The following PUS10 variants were observed in gnomAD, a reference collection of about 807,000 sequenced individuals.
PUS10 encodes tRNA pseudouridine synthase Pus10.
PUS10 carries 59 observed loss-of-function variants against 75.0 expected under a neutral mutation model. The observed-to-expected ratio is 0.79, with a 90% CI of 0.64 to 0.98. The LOEUF (loss-of-function observed/expected upper bound fraction) is 0.98. Among genes scored for constraint, PUS10 ranks in the 50% least tolerant of loss-of-function variants. The pLI, the probability that PUS10 is intolerant of heterozygous loss-of-function variation, is 0.00. For missense variants in PUS10, 650 were observed against 614.4 expected (o/e 1.06, Z -0.61); for synonymous variants, 219 against 211.6 (o/e 1.03, Z -0.30).
rs1201634982 is a variant in PUS10 at position 60,940,793 on chromosome 2, T to A, written c.*1602A>T. ...AACTGAGGAACATCCACACAGAAATTCTTACCTTTTTATCAAAAGTTTGTT... is the reference window on the plus strand; with the variant it reads ...AACTGAGGAACATCCACACAGAAATACTTACCTTTTTATCAAAAGTTTGTT... On this transcript the variant is annotated 3_prime_UTR_variant, in exon 18 of 18. Coordinates refer to ENST00000316752, the MANE Select transcript of PUS10 (RefSeq NM_144709.4). 1 of 152,350 alleles carries A rather than the reference T, an allele frequency of 6.6e-6. No individual in the cohort carries two copies. Among genetic ancestry groups the A allele is most frequent in the Admixed American group, 6.5e-5 (1 of 15,286 alleles). The allele number at this position is 152,350 out of a possible 1,614,324, so 9.4% of individuals were successfully genotyped here.
intron 4 of PUS10, among the ~76,000 whole-genome samples, chr2:60,974,121 G>A (rs1676873060): frequency 6.6e-6 from 1 of 151,752 alleles, no homozygotes; most frequent in Non-Finnish European, 1.5e-5. Flanking sequence ...GCTGAGAGCT[G>A]AACACTTATC....
intron 15 of PUS10, among the ~76,000 whole-genome samples, chr2:60,951,459 C>A (rs1675331985): frequency 6.6e-6 from 1 of 152,164 alleles, no homozygotes; most frequent in Non-Finnish European, 1.5e-5. Flanking sequence ...TGTTTTCCTG[C>A]AACTAGAGGG....
In PUS10 at chr2:60,955,015, T is replaced by C. The variant is rs374734216; in HGVS notation, c.1057+3A>G. On this transcript the variant is annotated splice_donor_region_variant and intron_variant, in intron 12 of 17. Transcript: ENST00000316752. ...TAATCAGGTGATGCTGTTGCAGTCT[T>C]ACCATTTCCTAATGTTCTCACATCT... 8 of 1,568,608 alleles carry C rather than the reference T, an allele frequency of 5.1e-6. No homozygotes were observed. In the African/African-American group the frequency reaches 1.1e-4, roughly 21 times the overall value.
chr2:61,005,869 T>G (rs1381108753), intron 4 of PUS10, among the ~76,000 whole-genome samples: 1 of 152,228 alleles, frequency 6.6e-6, no homozygotes, highest in Non-Finnish European at 1.5e-5. Context: ...TGATGTAATG[T>G]TCTGGTGATA....
chr2:60,953,352 AT>A (rs1311498541), intron 14 of PUS10, among the ~76,000 whole-genome samples: 1 of 152,092 alleles, frequency 6.6e-6, no homozygotes, highest in African/African-American at 2.4e-5. Context: ...TCTCATTATT[AT>A]TCTCCCCCAG....
intron 4 of PUS10, among the ~76,000 whole-genome samples, chr2:60,974,823 G>A (rs1280683377): frequency 1.3e-5 from 2 of 152,192 alleles, no homozygotes; most frequent in African/African-American, 2.4e-5. Context: ...CACACCTCTC[G>A]CTGCTCCACG....
Position 61,000,045 on chromosome 2 carries a change from G to T in PUS10, c.468+6512C>A, listed in dbSNP as rs1233767469. Among the ~76,000 whole-genome samples, 5 of 152,130 alleles carry T rather than the reference G, an allele frequency of 3.3e-5. No homozygotes were observed. In the East Asian group the frequency reaches 9.7e-4, roughly 29 times the overall value. On this transcript the variant is annotated intron_variant, in intron 4 of 17. Coordinates refer to ENST00000316752, the MANE Select transcript of PUS10 (RefSeq NM_144709.4). The stretch of plus-strand genomic sequence containing the variant: ...TTTTGGTATCTGTGAGGGGCTCGGG[G>T]GTCCTAGAACCAACCCCCCACAGAT...
chr2:60,987,337 T>C (rs1573469126), intron 4 of PUS10, among the ~76,000 whole-genome samples: 1 of 151,898 alleles, frequency 6.6e-6, no homozygotes, highest in African/African-American at 2.4e-5. Flanking sequence ...CCAATTTAAA[T>C]CCTGCCACTA....
At position 60,948,067 on chromosome 2, in the gene PUS10, A is replaced by G. The variant is rs547221084; in HGVS notation, c.1427T>C (p.Leu476Pro). Residue 476 changes from leucine to proline, a missense_variant, in exon 16 of 18, where the codon CTC becomes CCC. Coordinates refer to ENST00000316752, the MANE Select transcript of PUS10 (RefSeq NM_144709.4). ...TQYVDEHHFR[L>P]HLKTQAGTYI... ...CGTGCCAGCCTGAGTTTTCAAGTGGAGGCGGAAGTGGTGCTCATCCACGTA... is the reference window on the plus strand; with the variant it reads ...CGTGCCAGCCTGAGTTTTCAAGTGGGGGCGGAAGTGGTGCTCATCCACGTA... The G allele has an allele frequency of 3.7e-6, 6 of 1,614,118 alleles. No homozygotes were observed. The highest frequency in any genetic ancestry group is 3.3e-5 in the South Asian group (3 of 91,086).
rs766402169 is a variant in PUS10 at position 60,948,042 on chromosome 2, C to T, written c.1451+1G>A. 7 of 1,613,964 alleles carry T rather than the reference C, an allele frequency of 4.3e-6. No individual in the cohort carries two copies. The highest frequency in any genetic ancestry group is 5.9e-6 in the Non-Finnish European group (7 of 1,179,928). ...CGGCAGTGCAGCAGGTGGAAGGATA[C>T]GTGCCAGCCTGAGTTTTCAAGTGGA... is the stretch of plus-strand genomic sequence containing the variant. On this transcript the variant is annotated splice_donor_variant, in intron 16 of 17. Coordinates refer to ENST00000316752, the MANE Select transcript of PUS10 (RefSeq NM_144709.4). LOFTEE classifies it high-confidence loss of function.
intron 11 of PUS10, among the ~76,000 whole-genome samples, chr2:60,958,199 CT>C (rs575450660): frequency 3.9e-5 from 6 of 152,146 alleles, no homozygotes; most frequent in Non-Finnish European, 8.8e-5. Flanking sequence ...CCAAATGAAA[CT>C]TTTTGTGCTA....
chr2:60,982,876 C>T (rs1449375373), intron 4 of PUS10, among the ~76,000 whole-genome samples: 1 of 151,748 alleles, frequency 6.6e-6, no homozygotes, highest in African/African-American at 2.4e-5. Flanking sequence ...GACACCCAGG[C>T]TGGAGCTCAG....
chr2:60,960,149 C>CAAAAAAAAAAAAAAAAAAAA (rs559273848), intron 11 of PUS10, among the ~76,000 whole-genome samples: 1 of 88,296 alleles, frequency 1.1e-5, no homozygotes, highest in African/African-American at 3.9e-5. Context: ...CAGGCTCTCT[C>CAAAAAAAAAAAAAAAAAAAA]AAAAAAAAAA....
At chr2:60,953,435 C>G (rs1272760522) in intron 14 of PUS10, among the ~76,000 whole-genome samples, 2 of 152,196 alleles carry the variant, frequency 1.3e-5, no homozygotes, top group Non-Finnish European at 1.5e-5. Context: ...ATAATGAAAT[C>G]ATACAGTACG....
In PUS10 at chr2:60,948,052, T is replaced by C. The variant is rs201759127; in HGVS notation, c.1442A>G (p.Gln481Arg). The change falls in exon 16 of 18, where the codon CAG becomes CGG. Residue 481 changes from glutamine to arginine, a missense_variant. Physicochemically the swap from Gln to Arg is conservative, Grantham distance 43 (BLOSUM62 1). Transcript: ENST00000316752. ...EHHFRLHLKT[Q>R]AGTYIKEFVH... The stretch of plus-strand genomic sequence containing the variant: ...GCAGGTGGAAGGATACGTGCCAGCC[T>C]GAGTTTTCAAGTGGAGGCGGAAGTG... 259 of 1,613,960 alleles carry C rather than the reference T, an allele frequency of 1.6e-4. No homozygotes were observed. The highest frequency in any genetic ancestry group is 2.1e-4 in the Non-Finnish European group (244 of 1,179,988).
intron 11 of PUS10, among the ~76,000 whole-genome samples, chr2:60,958,047 G>C (rs1406643843): frequency 6.6e-6 from 1 of 152,254 alleles, no homozygotes; most frequent in Non-Finnish European, 1.5e-5. Flanking sequence ...TGCCCAGAGA[G>C]AGAGAATAAA....
intron 4 of PUS10, among the ~76,000 whole-genome samples, chr2:60,992,053 C>T (rs1678120996): frequency 6.6e-6 from 1 of 151,514 alleles, no homozygotes; most frequent in South Asian, 2.1e-4. Context: ...GCTCTGTCAC[C>T]CAGGCTGGAG....
chr2:61,011,022 C>T, intron 2 of PUS10: 2 of 1,240,136 alleles, frequency 1.6e-6, no homozygotes, highest in Non-Finnish European at 2.2e-6. Flanking sequence ...CAACTAATAA[C>T]ATTTTAAAAA....
intron 4 of PUS10, among the ~76,000 whole-genome samples, chr2:60,976,520 A>G (rs1489360613): frequency 6.6e-6 from 1 of 152,236 alleles, no homozygotes. Context: ...ACCATCCTCT[A>G]ATTATAAAGT....
Sources: allele counts gnomAD v4.1 joint callset (sites outside exome capture counted in the v4.1 genomes callset), GRCh38; gene constraint gnomAD v4.1.1; transcripts MANE v1.5; gene names NCBI Gene and HGNC (gene_info 2026-07-23, HGNC 2026-07-21).